The following SYNDIG1L variants were observed in gnomAD, a reference collection of about 807,000 sequenced individuals.
SYNDIG1L encodes the protein synapse differentiation inducing 1 like, also known as synapse differentiation-inducing gene protein 1-like.
Under a neutral mutation model 20.1 loss-of-function variants are expected in SYNDIG1L, and 13 were observed. That is an observed-to-expected ratio of 0.65 (90% CI 0.42 to 1.03). The LOEUF (loss-of-function observed/expected upper bound fraction) is 1.03. SYNDIG1L is among the 50% of genes least tolerant of loss of function. SYNDIG1L has a pLI of 0.00. For synonymous variants in SYNDIG1L, 128 were observed against 129.3 expected (o/e 0.99, Z 0.07); for missense variants, 294 against 305.1 (o/e 0.96, Z 0.27).
At chr14:74,408,731 A>G (rs2086105969) in intron 2 of SYNDIG1L, among the ~76,000 whole-genome samples, 1 of 152,216 alleles carries the variant, frequency 6.6e-6, no homozygotes, top group African/African-American at 2.4e-5. Context: ...TTAGAGAAAT[A>G]AAATCAGATT....
the SYNDIG1L span, among the ~76,000 whole-genome samples, chr14:74,436,742 C>T: frequency 4.0e-5 from 6 of 149,998 alleles, no homozygotes; most frequent in Non-Finnish European, 7.4e-5. Flanking sequence ...CCCAGCTACT[C>T]GGGAGGCTGA....
At chr14:74,414,653 A>G (rs1450000442) in intron 1 of SYNDIG1L, among the ~76,000 whole-genome samples, 1 of 152,160 alleles carries the variant, frequency 6.6e-6, no homozygotes, top group Non-Finnish European at 1.5e-5. Context: ...ATTTTTAACA[A>G]CTCAGCTCAA....
the SYNDIG1L span, among the ~76,000 whole-genome samples, chr14:74,438,588 G>T: frequency 1.3e-5 from 2 of 152,164 alleles, no homozygotes; most frequent in Non-Finnish European, 2.9e-5. Flanking sequence ...GAAGCCTCAT[G>T]GGTGACACAC....
At chr14:74,476,435 GGA>G in the SYNDIG1L span, 1 of 1,098,540 alleles carries the variant, frequency 9.1e-7, no homozygotes, top group South Asian at 1.3e-5. Flanking sequence ...CTGCTAGAAG[GGA>G]GCCGTCCTTC....
the SYNDIG1L span, among the ~76,000 whole-genome samples, chr14:74,477,710 A>G: frequency 1.3e-5 from 2 of 152,294 alleles, no homozygotes; most frequent in East Asian, 1.9e-4. Context: ...CCTTTATTCT[A>G]TAAGCAGGGG....
chr14:74,433,337 G>A, the SYNDIG1L span, among the ~76,000 whole-genome samples: 1 of 151,998 alleles, frequency 6.6e-6, no homozygotes, highest in Non-Finnish European at 1.5e-5. Context: ...AACATTTTTT[G>A]AGTAACTACT....
the SYNDIG1L span, among the ~76,000 whole-genome samples, chr14:74,432,236 T>C: frequency 1.3e-5 from 2 of 149,880 alleles, no homozygotes; most frequent in Non-Finnish European, 3.0e-5. Context: ...GAGGCCACAC[T>C]ACTTGCAGTT....
the SYNDIG1L span, among the ~76,000 whole-genome samples, chr14:74,458,435 G>A: frequency 6.8e-6 from 1 of 147,974 alleles, no homozygotes; most frequent in African/African-American, 2.5e-5. Context: ...TGGCCAACAT[G>A]GTGAAGACCC....
chr14:74,445,927 AAAT>A, the SYNDIG1L span, among the ~76,000 whole-genome samples: 25 of 152,212 alleles, frequency 1.6e-4, no homozygotes, highest in African/African-American at 6.0e-4. Context: ...TTATTCCTCA[AAAT>A]AATAACCCTA....
chr14:74,449,839 T>C, the SYNDIG1L span, among the ~76,000 whole-genome samples: 1 of 151,120 alleles, frequency 6.6e-6, no homozygotes, highest in Non-Finnish European at 1.5e-5. Flanking sequence ...GAGGAGCAAA[T>C]TAAACCCAAA....
chr14:74,472,406 G>C, the SYNDIG1L span: 1 of 152,148 alleles, frequency 6.6e-6, no homozygotes, highest in Non-Finnish European at 1.5e-5. Flanking sequence ...AAGGCAAATG[G>C]TGGCCCAAAA....
intron 1 of SYNDIG1L, among the ~76,000 whole-genome samples, chr14:74,420,957 G>A (rs2086216290): frequency 6.6e-6 from 1 of 152,122 alleles, no homozygotes. Context: ...GCTTGTTCTA[G>A]TCAATGCCTT....
the SYNDIG1L span, among the ~76,000 whole-genome samples, chr14:74,431,784 A>C: frequency 6.6e-6 from 1 of 152,230 alleles, no homozygotes; most frequent in Non-Finnish European, 1.5e-5. Context: ...TGCCACCCTC[A>C]GATGGAATGT....
the SYNDIG1L span, among the ~76,000 whole-genome samples, chr14:74,478,161 C>A: frequency 6.6e-6 from 1 of 152,152 alleles, no homozygotes; most frequent in East Asian, 1.9e-4. Context: ...CTTACAGGAG[C>A]TTTTATGGAC....
the SYNDIG1L span, among the ~76,000 whole-genome samples, chr14:74,464,818 A>T: frequency 6.6e-6 from 1 of 152,178 alleles, no homozygotes; most frequent in Admixed American, 6.5e-5. Flanking sequence ...CAGGCAGTGA[A>T]AACATCTTGA....
chr14:74,449,168 GGCT>G, the SYNDIG1L span, among the ~76,000 whole-genome samples: 1 of 151,830 alleles, frequency 6.6e-6, no homozygotes, highest in East Asian at 1.9e-4. Context: ...TGGAGGTCAA[GGCT>G]GCAGGGAGTC....
At chr14:74,440,405 C>G in the SYNDIG1L span, among the ~76,000 whole-genome samples, 9 of 151,112 alleles carry the variant, frequency 6.0e-5, no homozygotes, top group South Asian at 1.3e-3. Context: ...TCCCAGCTAC[C>G]GGGGAGGCTG....
chr14:74,450,620 C>A, the SYNDIG1L span, among the ~76,000 whole-genome samples: 2 of 152,048 alleles, frequency 1.3e-5, no homozygotes, highest in Non-Finnish European at 2.9e-5. Context: ...AAACATTTGA[C>A]AAAATCTGAC....
the SYNDIG1L span, among the ~76,000 whole-genome samples, chr14:74,462,182 C>T: frequency 2.1e-4 from 32 of 150,916 alleles, no homozygotes; most frequent in African/African-American, 7.0e-4. Context: ...GTTCAAAGCA[C>T]GCTTAATGTA....
Sources: gnomAD v4.1 joint callset for allele counts (sites outside exome capture counted in the v4.1 genomes callset) on GRCh38, gnomAD v4.1.1 for gene constraint, MANE v1.5 for transcripts, NCBI Gene and HGNC (gene_info 2026-07-23, HGNC 2026-07-21) for gene names.